Variants in CECR2 observed in about 807,000 individuals in gnomAD.
CECR2 encodes CECR2 histone acetyl-lysine reader.
Under a neutral mutation model 154.5 loss-of-function variants are expected in CECR2, and 30 were observed. That is an observed-to-expected ratio of 0.19 (90% CI 0.15 to 0.26). The LOEUF is 0.26. Ranked by LOEUF, CECR2 falls within the 10% of genes least tolerant of loss-of-function variation. The pLI, the probability that CECR2 is intolerant of heterozygous loss-of-function variation, is 1.00. For missense variants in CECR2, 1,743 were observed against 1,829.3 expected (o/e 0.95, Z 0.86); for synonymous variants, 725 against 683.7 (o/e 1.06, Z -0.94).
At chr22:17,382,107 G>A (rs967585692) in intron 1 of CECR2, among the ~76,000 whole-genome samples, 15 of 151,418 alleles carry the variant, frequency 9.9e-5, no homozygotes, top group Admixed American at 1.3e-4. Flanking sequence ...AGCCAGGATG[G>A]TCTTGATCTC....
intron 16 of CECR2, among the ~76,000 whole-genome samples, chr22:17,543,931 G>T (rs1378253238): frequency 6.6e-6 from 1 of 152,166 alleles, no homozygotes; most frequent in Non-Finnish European, 1.5e-5. Context: ...TTTTACAGAT[G>T]AAAAATCCAA....
chr22:17,395,864 A>G (rs1192947771), intron 1 of CECR2, among the ~76,000 whole-genome samples: 2 of 144,412 alleles, frequency 1.4e-5, no homozygotes. Context: ...GATTAGAAAT[A>G]ATTTATTTGC....
At chr22:17,398,143 ATTATAT>A (rs765793431) in intron 1 of CECR2, among the ~76,000 whole-genome samples, 4 of 151,700 alleles carry the variant, frequency 2.6e-5, no homozygotes, top group Non-Finnish European at 4.4e-5. Context: ...GAATACATTG[ATTATAT>A]TTATGAATGT....
At chr22:17,512,653 C>T (rs994428778) in intron 8 of CECR2, among the ~76,000 whole-genome samples, 3 of 146,966 alleles carry the variant, frequency 2.0e-5, no homozygotes, top group Non-Finnish European at 3.0e-5. Flanking sequence ...CAGTGAGCTA[C>T]GATCGCACCA....
intron 1 of CECR2, among the ~76,000 whole-genome samples, chr22:17,461,765 T>C (rs541224580): frequency 4.6e-4 from 70 of 151,634 alleles, no homozygotes; most frequent in African/African-American, 1.6e-3. Context: ...AGAAACAACA[T>C]GAGTCAAGAC....
chr22:17,532,700 C>CTTTTTTTTTTTTTTTTT lies in CECR2; in HGVS notation c.1109-4384_1109-4368dup, dbSNP rs695634. ...CCAAGTAGGTATATTCATTATTATT[C>CTTTTTTTTTTTTTTTTT]TTTTTTTTTTTTTTTTTTTTTTTTT... On this transcript the variant is annotated intron_variant, in intron 9 of 18. Transcript: ENST00000262608. Among the ~76,000 whole-genome samples the CTTTTTTTTTTTTTTTTT allele has an allele frequency of 6.1e-4, 22 of 35,792 alleles. 6 individuals carry two copies. Among genetic ancestry groups the CTTTTTTTTTTTTTTTTT allele is most frequent in the Admixed American group, 1.1e-3 (2 of 1,904 alleles). 23.5% of individuals were successfully genotyped at this position (35,792 alleles called of 152,430 possible). A position where few individuals can be genotyped will look rare whatever the true frequency, so the allele number is the denominator to read the frequency against.
intron 18 of CECR2, 93 bp from the exon 19 acceptor site, chr22:17,552,742 T>C (rs918884103): frequency 8.3e-7 from 1 of 1,207,824 alleles, no homozygotes. Flanking sequence ...TTTTCACACA[T>C]GAGGAGCTTG....
chr22:17,421,536 A>C (rs2054249261), intron 1 of CECR2, among the ~76,000 whole-genome samples: 2 of 142,182 alleles, frequency 1.4e-5, no homozygotes, highest in South Asian at 4.7e-4. Flanking sequence ...AATGGCGTGA[A>C]CCCGGGAGGC....
chr22:17,386,340 A>G (rs1239098438), intron 1 of CECR2, among the ~76,000 whole-genome samples: 4 of 151,954 alleles, frequency 2.6e-5, no homozygotes, highest in African/African-American at 4.8e-5. Flanking sequence ...GCTTAAGAGC[A>G]TGGTGAGAAA....
At chr22:17,467,799 G>GAA (rs2055058978) in intron 1 of CECR2, among the ~76,000 whole-genome samples, 1 of 151,864 alleles carries the variant, frequency 6.6e-6, no homozygotes, top group East Asian at 1.9e-4. Flanking sequence ...AAGAAAGAAA[G>GAA]AGAGAGAGAG....
chr22:17,429,539 C>CAAAAAAAAAAAAAAAA (rs531842006), intron 1 of CECR2, among the ~76,000 whole-genome samples: 6 of 121,064 alleles, frequency 5.0e-5, no homozygotes, highest in Middle Eastern at 4.5e-3. Context: ...CCATCTCTAC[C>CAAAAAAAAAAAAAAAA]AAAAACAAAA....
At chr22:17,366,521 G>A (rs1297324217), upstream of CECR2, among the ~76,000 whole-genome samples, 2 of 152,120 alleles carry the variant, frequency 1.3e-5, no homozygotes, top group African/African-American at 4.8e-5. Context: ...TTCAACTAGT[G>A]TTTCGAGGGT....
chr22:17,430,244 GA>G lies in CECR2; in HGVS notation c.127-47339del, dbSNP rs2054400536. ...GTCAAACTTCAGTACAGTTCTATAT[GA>G]AAAATGCACATAACCTATACCCGCA... On this transcript the variant is annotated intron_variant, in intron 1 of 18. Transcript: ENST00000262608. Among the ~76,000 whole-genome samples the G allele has an allele frequency of 3.3e-5, 5 of 152,224 alleles. No individual in the cohort carries two copies. In the South Asian group the frequency reaches 1.0e-3, roughly 32 times the overall value.
chr22:17,458,211 TC>T (rs2054883483), intron 1 of CECR2, among the ~76,000 whole-genome samples: 1 of 152,002 alleles, frequency 6.6e-6, no homozygotes, highest in Non-Finnish European at 1.5e-5. Flanking sequence ...GATCAGGAGT[TC>T]CAGACCAGCC....
At chr22:17,437,814 G>A (rs1373795555) in intron 1 of CECR2, among the ~76,000 whole-genome samples, 3 of 152,166 alleles carry the variant, frequency 2.0e-5, no homozygotes, top group East Asian at 1.9e-4. Flanking sequence ...GTTTTCCATA[G>A]TGTCTACAAA....
intron 1 of CECR2, among the ~76,000 whole-genome samples, chr22:17,379,449 T>TGGGGCTGGA (rs2146464656): frequency 6.6e-6 from 1 of 152,164 alleles, no homozygotes; most frequent in African/African-American, 2.4e-5. Context: ...TGCTGCAGCC[T>TGGGGCTGGA]GGGGCTGGAG....
intron 1 of CECR2, among the ~76,000 whole-genome samples, chr22:17,370,596 T>C (rs1601233857): frequency 6.6e-6 from 1 of 152,086 alleles, no homozygotes; most frequent in Admixed American, 6.5e-5. Flanking sequence ...TCGGGAGCCC[T>C]TGGAGTTGAT....
chr22:17,373,787 G>A (rs949171244), intron 1 of CECR2, among the ~76,000 whole-genome samples: 2 of 152,188 alleles, frequency 1.3e-5, no homozygotes, highest in Non-Finnish European at 2.9e-5. Context: ...TACCAAAGAA[G>A]CTCTTACCTG....
At chr22:17,387,865 C>T (rs1478410519) in intron 1 of CECR2, among the ~76,000 whole-genome samples, 1 of 151,590 alleles carries the variant, frequency 6.6e-6, no homozygotes, top group East Asian at 1.9e-4. Context: ...ATTTTTTTTT[C>T]TAAGATAGGA....
Sources: gnomAD v4.1 joint callset for allele counts (sites outside exome capture counted in the v4.1 genomes callset) on GRCh38, gnomAD v4.1.1 for gene constraint, MANE v1.5 for transcripts, NCBI Gene and HGNC (gene_info 2026-07-23, HGNC 2026-07-21) for gene names.